KCNJ16: variants seen among roughly 807,000 people sequenced by gnomAD.
KCNJ16 encodes the protein inward rectifier potassium channel 16.
Under a neutral mutation model 18.5 loss-of-function variants are expected in KCNJ16, and 15 were observed. The observed-to-expected ratio is 0.81, with a 90% CI of 0.54 to 1.25. The LOEUF (loss-of-function observed/expected upper bound fraction) is 1.25, where lower values mean the gene tolerates loss of function less well. KCNJ16 is among the 50% of genes most tolerant of loss of function. The probability of loss-of-function intolerance (pLI) is 0.00; values close to 1 mark genes in which losing one functional copy is unlikely to be tolerated. For synonymous variants in KCNJ16, 174 were observed against 186.5 expected (o/e 0.93, Z 0.55); for missense variants, 523 against 525.7 (o/e 0.99, Z 0.05).
At chr17:70,103,154 ATAAT>A (rs1416382529) in intron 2 of KCNJ16, among the ~76,000 whole-genome samples, 3 of 145,632 alleles carry the variant, frequency 2.1e-5, no homozygotes, top group African/African-American at 7.5e-5. Context: ...TATAATATAT[ATAAT>A]TTATTTAATA....
chr17:70,107,990 A>G (rs2073010092), intron 2 of KCNJ16, among the ~76,000 whole-genome samples: 1 of 152,224 alleles, frequency 6.6e-6, no homozygotes, highest in African/African-American at 2.4e-5. Context: ...GTTGTAAGGT[A>G]CTAACAATAA....
intron 2 of KCNJ16, among the ~76,000 whole-genome samples, chr17:70,118,393 G>A (rs910980234): frequency 4.0e-5 from 6 of 151,626 alleles, no homozygotes; most frequent in African/African-American, 1.5e-4. Context: ...ATGTATCCAA[G>A]AACTTAATGT....
intron 1 of KCNJ16, among the ~76,000 whole-genome samples, chr17:70,098,451 C>T (rs1401623979): frequency 6.6e-6 from 1 of 151,234 alleles, no homozygotes; most frequent in Non-Finnish European, 1.5e-5. Context: ...TATAGGAAAA[C>T]AATTTAAAAA....
At chr17:70,127,462 GT>G (rs11354774) in intron 2 of KCNJ16, among the ~76,000 whole-genome samples, 150,165 of 152,078 alleles carry the variant, frequency 0.99, 74,142 homozygotes, top group East Asian at 1. Context: ...TGTAAAACAG[GT>G]TTTTGAGCAA....
chr17:70,091,768 A>G (rs8072570), intron 1 of KCNJ16, among the ~76,000 whole-genome samples: 126,945 of 152,208 alleles, frequency 0.83, 53,094 homozygotes, highest in East Asian at 0.95. Context: ...TGAACTGAAT[A>G]CATACCCTTG....
At chr17:70,122,417 T>TC (rs2073680396) in intron 2 of KCNJ16, among the ~76,000 whole-genome samples, 1 of 152,074 alleles carries the variant, frequency 6.6e-6, no homozygotes, top group African/African-American at 2.4e-5. Flanking sequence ...CCTCAGATGA[T>TC]CCACCCACCT....
At chr17:70,111,830 A>T (rs2073197910) in intron 2 of KCNJ16, among the ~76,000 whole-genome samples, 1 of 152,088 alleles carries the variant, frequency 6.6e-6, no homozygotes, top group Non-Finnish European at 1.5e-5. Flanking sequence ...CCAAGTAAGA[A>T]GTGCCTTTAG....
chr17:70,078,556 C>A (rs1398592126), intron 1 of KCNJ16, among the ~76,000 whole-genome samples: 2 of 152,110 alleles, frequency 1.3e-5, no homozygotes, highest in African/African-American at 2.4e-5. Flanking sequence ...TGTGTTCTAG[C>A]AAACATGACC....
intron 2 of KCNJ16, among the ~76,000 whole-genome samples, chr17:70,103,295 T>TGTGTGTGTGC (rs1469513926): frequency 3.8e-5 from 1 of 26,170 alleles, no homozygotes; most frequent in Non-Finnish European, 7.7e-5. Flanking sequence ...TATGTGTGTG[T>TGTGTGTGTGC]GTATATATAT....
At chr17:70,131,306 G>A in intron 3 of KCNJ16, 1 of 1,159,404 alleles carries the variant, frequency 8.6e-7, no homozygotes, top group Non-Finnish European at 1.1e-6. Flanking sequence ...GTAGTTTTAG[G>A]TCCACTGAGG....
intron 2 of KCNJ16, among the ~76,000 whole-genome samples, chr17:70,121,148 G>A (rs1471334221): frequency 6.6e-6 from 1 of 152,064 alleles, no homozygotes; most frequent in African/African-American, 2.4e-5. Context: ...AGGATGGCAG[G>A]GGTATCAATG....
Position 70,132,634 on chromosome 17 carries a change from C to T in KCNJ16, c.547C>T (p.Arg183Cys), listed in dbSNP as rs769285903. Residue 183 changes from arginine to cysteine, a missense_variant, in exon 4 of 4, where the codon CGT becomes TGT. Transcript: ENST00000392671. The stretch of plus-strand genomic sequence containing the variant: ...TGCTCGAAAGAGAGCCCAAACCATT[C>T]GTTTCAGCTACTTTGCACTTATAGG... The part of the protein sequence containing the change: ...ATARKRAQTI[R>C]FSYFALIGMR... 1.9e-5 allele frequency: 31 copies of T among 1,614,082 alleles called. No individual in the cohort carries two copies. The Admixed American group carries it at 2.8e-4, about 15-fold the overall frequency.
Position 70,100,752 on chromosome 17 carries a change from C to A in KCNJ16, c.-205C>A, listed in dbSNP as rs993984012. On this transcript the variant is annotated 5_prime_UTR_variant, in exon 2 of 4. Transcript: ENST00000392671. ...ATCTCAATTCTTAACTGCTGTGTTG[C>A]CTCTCACTTTAAAGGTAAGAAATTA... 3 of 152,144 alleles carry A rather than the reference C, an allele frequency of 2.0e-5. No homozygotes were observed. Among genetic ancestry groups the A allele is most frequent in the African/African-American group, 7.2e-5 (3 of 41,416 alleles). The allele number at this position is 152,144 out of a possible 1,614,324, so 9.4% of individuals were successfully genotyped here.
rs202062164 is a variant in KCNJ16 at position 70,132,195 on chromosome 17, A to G, written c.108A>G (p.Leu36=). The part of the protein sequence containing the change: ...IAEKRRARRR[L]LHKDGSCNVY... ...AGAAGAGAAGAGCAAGAAGACGATT[A>G]CTTCACAAAGATGGCAGCTGTAATG... Residue 36 remains leucine, a synonymous_variant, in exon 4 of 4, where the codon TTA becomes TTG. Transcript: ENST00000392671. 1.2e-6 allele frequency: 2 copies of G among 1,614,254 alleles called. No individual in the cohort carries two copies. The highest frequency in any genetic ancestry group is 1.7e-6 in the Non-Finnish European group (2 of 1,180,048).
At chr17:70,123,543 G>C (rs2073735264) in intron 2 of KCNJ16, among the ~76,000 whole-genome samples, 2 of 152,158 alleles carry the variant, frequency 1.3e-5, no homozygotes, top group Non-Finnish European at 1.5e-5. Flanking sequence ...GGATAAGGAT[G>C]ACTATAAATA....
intron 1 of KCNJ16, among the ~76,000 whole-genome samples, chr17:70,080,494 G>A (rs1051971771): frequency 8.5e-5 from 13 of 152,144 alleles, no homozygotes; most frequent in African/African-American, 2.9e-4. Flanking sequence ...TTGAGCTCGG[G>A]CCCAGTCATT....
At chr17:70,075,887 C>A (rs905899451) in intron 1 of KCNJ16, among the ~76,000 whole-genome samples, 1 of 151,760 alleles carries the variant, frequency 6.6e-6, no homozygotes, top group African/African-American at 2.4e-5. Flanking sequence ...AATAAGAGAT[C>A]TATTTTTTCT....
chr17:70,077,509 T>C (rs7216332), intron 1 of KCNJ16, among the ~76,000 whole-genome samples: 2 of 152,106 alleles, frequency 1.3e-5, no homozygotes, highest in Non-Finnish European at 2.9e-5. Context: ...AACATGAAAC[T>C]TGTAAGGGAA....
rs765669108 is a variant in KCNJ16, at chr17:70,132,975, A to G, written c.888A>G (p.Arg296=). ...GDSTGTSHQS[R]SSYVPREILW... The stretch of plus-strand genomic sequence containing the variant: ...CCACTGGAACATCTCACCAATCTAG[A>G]AGCTCCTATGTTCCCCGAGAAATTC... The change falls in exon 4 of 4, where the codon AGA becomes AGG. Residue 296 remains arginine (R), a synonymous_variant. Coordinates refer to ENST00000392671, the MANE Select transcript of KCNJ16 (RefSeq NM_170741.4). 1.9e-6 allele frequency: 3 copies of G among 1,614,150 alleles called. No individual in the cohort carries two copies. The highest frequency in any genetic ancestry group is 2.5e-6 in the Non-Finnish European group (3 of 1,180,016).
Sources: gnomAD v4.1 joint callset for allele counts (sites outside exome capture counted in the v4.1 genomes callset) on GRCh38, gnomAD v4.1.1 for gene constraint, MANE v1.5 for transcripts, NCBI Gene and HGNC (gene_info 2026-07-23, HGNC 2026-07-21) for gene names.